Variants in CCDC83 observed in about 807,000 individuals in gnomAD.
The protein encoded by CCDC83 is coiled-coil domain containing 83.
Under a neutral mutation model 50.1 loss-of-function variants are expected in CCDC83, and 54 were observed. That is an observed-to-expected ratio of 1.08 (90% CI 0.87 to 1.35). CCDC83 has a LOEUF of 1.35. Ranked by LOEUF, CCDC83 falls within the 40% of genes most tolerant of loss-of-function variation. The probability of loss-of-function intolerance (pLI) is 0.00; values close to 1 mark genes in which losing one functional copy is unlikely to be tolerated. For synonymous variants in CCDC83, 161 were observed against 153.3 expected (o/e 1.05, Z -0.37); for missense variants, 518 against 473.9 (o/e 1.09, Z -0.86).
rs1055498806 is a variant in CCDC83, at chr11:85,857,218, C to G, written c.-29+1634C>G. 3.9e-5 allele frequency among the ~76,000 whole-genome samples: 6 copies of G among 152,324 alleles called. 1 individual carries two copies. In the South Asian group the frequency reaches 1.2e-3, roughly 32 times the overall value. ...GGAGCTGTACTCAACCCTCCAAGCC[C>G]TCGAAGGGCACGCGCATCACCAGTT... On this transcript the variant is annotated intron_variant, in intron 1 of 10. Transcript: ENST00000342404.
intron 10 of CCDC83, among the ~76,000 whole-genome samples, chr11:85,917,192 G>GAGAA (rs1554986921): frequency 0.12 from 9,060 of 77,700 alleles, 519 homozygotes; most frequent in East Asian, 0.17. Context: ...AAGAAAGAAA[G>GAGAA]AGAAAGAAAG....
At chr11:85,902,117 T>C (rs2093405301) in intron 7 of CCDC83, among the ~76,000 whole-genome samples, 1 of 143,534 alleles carries the variant, frequency 7.0e-6, no homozygotes, top group East Asian at 2.1e-4. Context: ...GAAAAGGACA[T>C]GAATTTTCAG....
chr11:85,861,729 C>T (rs967680174), intron 1 of CCDC83, among the ~76,000 whole-genome samples: 1 of 151,970 alleles, frequency 6.6e-6, no homozygotes, highest in Non-Finnish European at 1.5e-5. Flanking sequence ...TCATTTTGGG[C>T]CAAGTGCGGT....
intron 5 of CCDC83, among the ~76,000 whole-genome samples, chr11:85,893,199 A>G (rs1390272158): frequency 1.3e-5 from 2 of 152,328 alleles, no homozygotes; most frequent in East Asian, 3.9e-4. Context: ...ATTTTCTTCA[A>G]AATATTTTTT....
At chr11:85,905,277 T>C (rs1255803033) in intron 7 of CCDC83, among the ~76,000 whole-genome samples, 2 of 151,380 alleles carry the variant, frequency 1.3e-5, no homozygotes, top group Non-Finnish European at 2.9e-5. Flanking sequence ...ACCCCGTCTC[T>C]ACTAAAAATA....
rs180953471 is a variant in CCDC83, at chr11:85,873,645, T to C, written c.180+350T>C. Among the ~76,000 whole-genome samples, 303 of 152,274 alleles carry C rather than the reference T, an allele frequency of 2.0e-3. 1 individual carries two copies. The highest frequency in any genetic ancestry group is 7.0e-3 in the African/African-American group (290 of 41,594). ...TGGTTCTCCATTTTAAATCTCTTTG[T>C]CTTTTTTCTTTTAGATTTTCAGAGA... On this transcript the variant is annotated intron_variant, in intron 3 of 10. Coordinates refer to ENST00000342404, the MANE Select transcript of CCDC83 (RefSeq NM_001286159.2).
chr11:85,911,179 A>G (rs1250349697), intron 7 of CCDC83, 102 bp from the exon 8 acceptor site: 66 of 977,388 alleles, frequency 6.8e-5, no homozygotes, highest in Non-Finnish European at 9.0e-5. Flanking sequence ...CTCAAATAAA[A>G]AAAAAAAAAA....
At chr11:85,904,437 A>T (rs1361036937) in intron 7 of CCDC83, among the ~76,000 whole-genome samples, 1 of 152,206 alleles carries the variant, frequency 6.6e-6, no homozygotes, top group African/African-American at 2.4e-5. Flanking sequence ...TATCTAGCCC[A>T]ATCTACCCTT....
chr11:85,856,184 C>CAAAAAAAAAAAA (rs370054964), intron 1 of CCDC83, among the ~76,000 whole-genome samples: 1 of 94,880 alleles, frequency 1.1e-5, no homozygotes, highest in Non-Finnish European at 2.2e-5. Context: ...CTATCTAAGC[C>CAAAAAAAAAAAA]AAAAAAAAAA....
chr11:85,882,273 TAATA>T (rs1361470311), intron 3 of CCDC83, among the ~76,000 whole-genome samples: 3 of 152,208 alleles, frequency 2.0e-5, no homozygotes. Flanking sequence ...GACATTTTTT[TAATA>T]ATGTCATAAG....
intron 10 of CCDC83, among the ~76,000 whole-genome samples, chr11:85,918,638 A>G (rs1565161096): frequency 6.6e-6 from 1 of 152,318 alleles, no homozygotes; most frequent in East Asian, 1.9e-4. Context: ...GATTTTGCCA[A>G]TGTTAAGGAC....
intron 2 of CCDC83, among the ~76,000 whole-genome samples, chr11:85,871,109 GT>G (rs2093234771): frequency 6.6e-6 from 1 of 152,194 alleles, no homozygotes; most frequent in South Asian, 2.1e-4. Context: ...GGAGTTTGCA[GT>G]GAGCCGAGAT....
At chr11:85,910,686 C>G (rs12285109) in intron 7 of CCDC83, among the ~76,000 whole-genome samples, 87,365 of 152,046 alleles carry the variant, frequency 0.57, 25,366 homozygotes, top group Non-Finnish European at 0.58. Flanking sequence ...TTGAAGGGTA[C>G]AAAAGGACAA....
At chr11:85,872,621 G>C (rs1258748875) in intron 2 of CCDC83, among the ~76,000 whole-genome samples, 1 of 152,132 alleles carries the variant, frequency 6.6e-6, no homozygotes, top group African/African-American at 2.4e-5. Context: ...ACCTCAAATA[G>C]CTATCAAATA....
At chr11:85,898,058 T>C (rs1160801084) in intron 6 of CCDC83, among the ~76,000 whole-genome samples, 1 of 151,412 alleles carries the variant, frequency 6.6e-6, no homozygotes, top group Non-Finnish European at 1.5e-5. Context: ...CTCAGGAGGC[T>C]GAGACAGAAG....
At chr11:85,886,473 C>A in intron 5 of CCDC83, 106 bp downstream of exon 5, 1 of 872,020 alleles carries the variant, frequency 1.1e-6, no homozygotes, top group Non-Finnish European at 1.6e-6. Flanking sequence ...CATTACTCTG[C>A]TGTCAGCACA....
chr11:85,878,731 G>A (rs761841005), intron 3 of CCDC83, among the ~76,000 whole-genome samples: 22 of 137,730 alleles, frequency 1.6e-4, no homozygotes, highest in Non-Finnish European at 2.9e-4. Flanking sequence ...ATAGTTACAC[G>A]TTAGTTTTTA....
At chr11:85,871,116 G>T (rs968461761) in intron 2 of CCDC83, among the ~76,000 whole-genome samples, 1 of 152,166 alleles carries the variant, frequency 6.6e-6, no homozygotes, top group African/African-American at 2.4e-5. Context: ...GCAGTGAGCC[G>T]AGATCATGCT....
At chr11:85,917,190 A>AAGAAAGAAAGAAAGAAAGAG (rs1565160105) in intron 10 of CCDC83, among the ~76,000 whole-genome samples, 1 of 89,612 alleles carries the variant, frequency 1.1e-5, no homozygotes, top group Non-Finnish European at 2.3e-5. Context: ...GAAAGAAAGA[A>AAGAAAGAAAGAAAGAAAGAG]AGAGAAAGAA....
Sources: allele counts gnomAD v4.1 joint callset (sites outside exome capture counted in the v4.1 genomes callset), GRCh38; gene constraint gnomAD v4.1.1; transcripts MANE v1.5; gene names NCBI Gene and HGNC (gene_info 2026-07-23, HGNC 2026-07-21).